TSPAN14: variants seen among roughly 807,000 people sequenced by gnomAD.
TSPAN14 encodes tetraspanin 14.
In TSPAN14, 16 loss-of-function variants were observed where a neutral mutation model predicts 36.6. That is an observed-to-expected ratio of 0.44 (90% CI 0.30 to 0.66). The LOEUF (loss-of-function observed/expected upper bound fraction) is 0.66, where lower values mean the gene tolerates loss of function less well. Among genes scored for constraint, TSPAN14 ranks in the 30% least tolerant of loss-of-function variants. TSPAN14 has a pLI of 0.12. For synonymous variants in TSPAN14, 139 were observed against 143.8 expected (o/e 0.97, Z 0.24); for missense variants, 231 against 355.1 (o/e 0.65, Z 2.81).
chr10:80,500,816 C>T (rs905334943), intron 2 of TSPAN14, among the ~76,000 whole-genome samples: 3 of 152,152 alleles, frequency 2.0e-5, no homozygotes, highest in Non-Finnish European at 4.4e-5. Flanking sequence ...GGTAAGCGGC[C>T]CTACAGCGGC....
intron 1 of TSPAN14, among the ~76,000 whole-genome samples, chr10:80,469,122 C>G (rs761138533): frequency 6.7e-6 from 1 of 149,396 alleles, no homozygotes; most frequent in Non-Finnish European, 1.5e-5. Flanking sequence ...GCCCAGAGCC[C>G]TGCTGGTGAG....
At chr10:80,481,695 G>A (rs776172833) in intron 1 of TSPAN14, among the ~76,000 whole-genome samples, 12 of 152,184 alleles carry the variant, frequency 7.9e-5, no homozygotes, top group African/African-American at 4.8e-5. Flanking sequence ...GCGCGATCTC[G>A]GCTCACCGTA....
At chr10:80,466,921 G>C (rs570737302) in intron 1 of TSPAN14, among the ~76,000 whole-genome samples, 3 of 152,224 alleles carry the variant, frequency 2.0e-5, no homozygotes, top group Non-Finnish European at 4.4e-5. Flanking sequence ...CAGGTCATAG[G>C]TGGGTTCGGA....
intron 2 of TSPAN14, among the ~76,000 whole-genome samples, chr10:80,499,966 G>A (rs368072561): frequency 1.3e-5 from 2 of 152,346 alleles, no homozygotes; most frequent in South Asian, 4.1e-4. Flanking sequence ...CTCACTCCCA[G>A]AAGATTGGCA....
At chr10:80,521,376 T>G (rs1841257423) in exon 9 of TSPAN14, 1 of 157,796 alleles carries the variant, frequency 6.3e-6, no homozygotes. Context: ...GTCCAGAGCT[T>G]TCAGCTGTAC....
At chr10:80,505,834 G>A (rs999214238) in intron 3 of TSPAN14, among the ~76,000 whole-genome samples, 1 of 152,338 alleles carries the variant, frequency 6.6e-6, no homozygotes, top group South Asian at 2.1e-4. Context: ...TGAATCTGTC[G>A]ATCTAAAATA....
chr10:80,502,914 T>TGAAGGA (rs2132038582), intron 2 of TSPAN14, among the ~76,000 whole-genome samples: 1 of 151,646 alleles, frequency 6.6e-6, no homozygotes, highest in Admixed American at 6.6e-5. Flanking sequence ...TAGAGGGGTC[T>TGAAGGA]GAAGGAGGAG....
At position 80,517,957 on chromosome 10, in the gene TSPAN14, AGGCC is replaced by A; in HGVS notation, c.799_802del (p.Gly267IlefsTer8). 6.4e-7 allele frequency: 1 copy of A among 1,563,258 alleles called. No individual in the cohort carries two copies. Among genetic ancestry groups the A allele is most frequent in the Non-Finnish European group, 8.7e-7 (1 of 1,152,624 alleles). On this transcript the variant is annotated frameshift_variant, in exon 9 of 9. Transcript: ENST00000429989. LOFTEE classifies it high-confidence loss of function. ...CTGATCTCAGACATCGAGGCAGTGA[AGGCC>A]GGCCATCACTTCTGAGGAGCAGAGT...
At chr10:80,508,053 T>G (rs1185487142) in intron 4 of TSPAN14, among the ~76,000 whole-genome samples, 1 of 152,074 alleles carries the variant, frequency 6.6e-6, no homozygotes, top group African/African-American at 2.4e-5. Flanking sequence ...CTTGCTTTTA[T>G]ATGAACAGAG....
At chr10:80,493,754 A>AT (rs1848044918) in intron 2 of TSPAN14, among the ~76,000 whole-genome samples, 2 of 152,328 alleles carry the variant, frequency 1.3e-5, no homozygotes, top group Admixed American at 1.3e-4. Flanking sequence ...GGAAGGGAAG[A>AT]TTGGGGAGTT....
At chr10:80,504,598 C>G (rs1241011843) in intron 2 of TSPAN14, 130 bp from the exon 3 acceptor site, 42 of 1,013,964 alleles carry the variant, frequency 4.1e-5, no homozygotes, top group Non-Finnish European at 5.4e-5. Flanking sequence ...ATCTGCGGGG[C>G]CTGAGGGGCC....
At chr10:80,476,285 G>A (rs987181126) in intron 1 of TSPAN14, among the ~76,000 whole-genome samples, 1 of 152,100 alleles carries the variant, frequency 6.6e-6, no homozygotes, top group African/African-American at 2.4e-5. Flanking sequence ...AGGCAGGATT[G>A]CTTGAGCCTG....
chr10:80,473,145 G>A (rs944723302), intron 1 of TSPAN14, among the ~76,000 whole-genome samples: 3 of 152,122 alleles, frequency 2.0e-5, no homozygotes, highest in Admixed American at 6.5e-5. Context: ...AAAATAGTAA[G>A]CTTGGAAGTC....
chr10:80,476,651 G>A (rs758341814), intron 1 of TSPAN14, among the ~76,000 whole-genome samples: 3 of 152,002 alleles, frequency 2.0e-5, no homozygotes, highest in Non-Finnish European at 4.4e-5. Flanking sequence ...TCCTGACCTC[G>A]TGATCTGCCC....
At chr10:80,498,958 C>T (rs960980446) in intron 2 of TSPAN14, among the ~76,000 whole-genome samples, 46 of 152,246 alleles carry the variant, frequency 3.0e-4, no homozygotes, top group African/African-American at 8.4e-4. Flanking sequence ...GCTGAGTCAG[C>T]GTGTGGATTG....
At chr10:80,477,602 C>T (rs867200396) in intron 1 of TSPAN14, among the ~76,000 whole-genome samples, 1 of 152,012 alleles carries the variant, frequency 6.6e-6, no homozygotes, top group Non-Finnish European at 1.5e-5. Context: ...GGGAGGGGAA[C>T]GTGGGCATCA....
chr10:80,498,160 T>A (rs1644149122), intron 2 of TSPAN14, among the ~76,000 whole-genome samples: 1 of 152,174 alleles, frequency 6.6e-6, no homozygotes, highest in Non-Finnish European at 1.5e-5. Context: ...TTCTATTCAA[T>A]CGTCAGCATT....
At chr10:80,521,593 C>T (rs1841268425) in exon 9 of TSPAN14, 1 of 152,146 alleles carries the variant, frequency 6.6e-6, no homozygotes, top group African/African-American at 2.4e-5. Flanking sequence ...CTACCTGCAG[C>T]CCTGTTCTCA....
chr10:80,470,390 C>T (rs2343306), intron 1 of TSPAN14, among the ~76,000 whole-genome samples: 124,459 of 152,246 alleles, frequency 0.82, 51,392 homozygotes, highest in East Asian at 0.98. Context: ...TTCCTGAATA[C>T]TTTTGATCCT....
Sources: gnomAD v4.1 joint callset for allele counts (sites outside exome capture counted in the v4.1 genomes callset) on GRCh38, gnomAD v4.1.1 for gene constraint, MANE v1.5 for transcripts, NCBI Gene and HGNC (gene_info 2026-07-23, HGNC 2026-07-21) for gene names.